Variants in PTPRD observed in about 807,000 individuals in gnomAD.
PTPRD encodes the protein receptor-type tyrosine-protein phosphatase delta.
PTPRD carries 34 observed loss-of-function variants against 214.5 expected under a neutral mutation model. The ratio of observed to expected loss-of-function variants is 0.16; its 90% CI spans 0.12 to 0.21. PTPRD has a LOEUF of 0.21. Among genes scored for constraint, PTPRD ranks in the 10% least tolerant of loss-of-function variants. The pLI is 1.00. For synonymous variants in PTPRD, 1,128 were observed against 845.7 expected (o/e 1.33, Z -5.79); for missense variants, 2,545 against 2,398.7 (o/e 1.06, Z -1.27).
At chr9:9,548,721 G>A (rs141893679) in intron 8 of PTPRD, among the ~76,000 whole-genome samples, 8 of 152,154 alleles carry the variant, frequency 5.3e-5, no homozygotes, top group Non-Finnish European at 7.4e-5. Flanking sequence ...ATGGAGTGCC[G>A]TATTAGACAA....
intron 7 of PTPRD, among the ~76,000 whole-genome samples, chr9:9,718,392 G>C (rs1204626198): frequency 6.6e-6 from 1 of 152,176 alleles, no homozygotes; most frequent in Non-Finnish European, 1.5e-5. Context: ...GCTGCAGCAG[G>C]GGAGGTGCAG....
chr9:10,257,669 C>T (rs867906552), intron 3 of PTPRD, among the ~76,000 whole-genome samples: 2 of 152,308 alleles, frequency 1.3e-5, no homozygotes, highest in Middle Eastern at 3.4e-3. Context: ...GGAGAGACAT[C>T]TGACCCCACC....
At chr9:10,144,675 G>T (rs2099010173) in intron 3 of PTPRD, among the ~76,000 whole-genome samples, 1 of 152,092 alleles carries the variant, frequency 6.6e-6, no homozygotes, top group Non-Finnish European at 1.5e-5. Flanking sequence ...GGAAGAATTT[G>T]ATTTGTAAAG....
intron 11 of PTPRD, among the ~76,000 whole-genome samples, chr9:9,003,962 G>T (rs140403425): frequency 6.6e-6 from 1 of 151,942 alleles, no homozygotes; most frequent in Non-Finnish European, 1.5e-5. Flanking sequence ...ATTCCTAAAC[G>T]AACTCAATCT....
At chr9:10,053,190 T>C (rs1227554972) in intron 3 of PTPRD, among the ~76,000 whole-genome samples, 1 of 152,188 alleles carries the variant, frequency 6.6e-6, no homozygotes, top group Non-Finnish European at 1.5e-5. Flanking sequence ...AAAAGGATGA[T>C]TTATTGTTAA....
intron 9 of PTPRD, among the ~76,000 whole-genome samples, chr9:9,362,555 T>A (rs576561632): frequency 1.3e-5 from 2 of 151,250 alleles, no homozygotes; most frequent in East Asian, 3.9e-4. Flanking sequence ...GTGTCTTGTA[T>A]AACTTCATTT....
intron 7 of PTPRD, among the ~76,000 whole-genome samples, chr9:9,658,302 T>C (rs1489341260): frequency 6.6e-6 from 1 of 152,164 alleles, no homozygotes; most frequent in Non-Finnish European, 1.5e-5. Context: ...TAAACATCAT[T>C]TCGCCTTATA....
At chr9:10,084,017 A>T (rs568697440) in intron 3 of PTPRD, among the ~76,000 whole-genome samples, 1 of 151,952 alleles carries the variant, frequency 6.6e-6, no homozygotes, top group Non-Finnish European at 1.5e-5. Flanking sequence ...GTGACTTTAG[A>T]TAGATCATTT....
intron 8 of PTPRD, among the ~76,000 whole-genome samples, chr9:9,537,454 T>C (rs1346871137): frequency 6.6e-6 from 1 of 151,934 alleles, no homozygotes; most frequent in East Asian, 1.9e-4. Flanking sequence ...CATTTTCTTA[T>C]CGTGGAGTTC....
chr9:10,232,241 G>A (rs1180876066), intron 3 of PTPRD, among the ~76,000 whole-genome samples: 1 of 151,762 alleles, frequency 6.6e-6, no homozygotes, highest in African/African-American at 2.4e-5. Context: ...AGTTTCTCCG[G>A]TTCAGGTATT....
intron 3 of PTPRD, among the ~76,000 whole-genome samples, chr9:10,047,529 G>A (rs917566122): frequency 6.6e-5 from 10 of 151,962 alleles, no homozygotes; most frequent in African/African-American, 2.4e-4. Flanking sequence ...CCTTGTGTTT[G>A]CAATTTAGCA....
intron 5 of PTPRD, among the ~76,000 whole-genome samples, chr9:9,839,784 G>A (rs1255602078): frequency 2.6e-5 from 4 of 152,010 alleles, no homozygotes; most frequent in African/African-American, 7.3e-5. Flanking sequence ...GAGGCATCAC[G>A]CTACCTGATT....
At chr9:9,557,855 C>T (rs2081921873) in intron 8 of PTPRD, among the ~76,000 whole-genome samples, 1 of 152,166 alleles carries the variant, frequency 6.6e-6, no homozygotes. Flanking sequence ...AGAAAGAACA[C>T]TCAGGGGCTA....
At chr9:10,608,447 G>A (rs2080070830) in intron 2 of PTPRD, among the ~76,000 whole-genome samples, 1 of 152,126 alleles carries the variant, frequency 6.6e-6, no homozygotes, top group South Asian at 2.1e-4. Flanking sequence ...TAACAAGAGT[G>A]TCCAGGCACT....
At chr9:10,409,689 C>T (rs139335526) in intron 2 of PTPRD, among the ~76,000 whole-genome samples, 21 of 151,862 alleles carry the variant, frequency 1.4e-4, no homozygotes, top group African/African-American at 5.1e-4. Context: ...ATCTCATTTG[C>T]CTTTATGTAG....
At chr9:9,160,597 C>T (rs1439705362) in intron 10 of PTPRD, among the ~76,000 whole-genome samples, 2 of 152,110 alleles carry the variant, frequency 1.3e-5, no homozygotes, top group Non-Finnish European at 2.9e-5. Flanking sequence ...TAAATTAGTA[C>T]TGCCATTATA....
intron 8 of PTPRD, among the ~76,000 whole-genome samples, chr9:9,422,844 G>C (rs1201012547): frequency 6.6e-6 from 1 of 152,116 alleles, no homozygotes; most frequent in African/African-American, 2.4e-5. Context: ...AAGGTAAAAG[G>C]CTATGAACCT....
chr9:9,475,517 TC>T (rs1469296390), intron 8 of PTPRD, among the ~76,000 whole-genome samples: 1 of 152,198 alleles, frequency 6.6e-6, no homozygotes, highest in Non-Finnish European at 1.5e-5. Flanking sequence ...TGTGCTAGTT[TC>T]TTATGTCACT....
At chr9:10,397,447 T>C (rs2098192588) in intron 2 of PTPRD, among the ~76,000 whole-genome samples, 2 of 151,992 alleles carry the variant, frequency 1.3e-5, no homozygotes, top group South Asian at 4.1e-4. Flanking sequence ...CTCAATCCTT[T>C]TGTTTTTGGA....
Sources: gnomAD v4.1 joint callset for allele counts (sites outside exome capture counted in the v4.1 genomes callset) on GRCh38, gnomAD v4.1.1 for gene constraint, MANE v1.5 for transcripts, NCBI Gene and HGNC (gene_info 2026-07-23, HGNC 2026-07-21) for gene names.